CRIM1: variants seen among roughly 807,000 people sequenced by gnomAD.
CRIM1 encodes cysteine-rich motor neuron 1 protein.
In CRIM1, 32 loss-of-function variants were observed where a neutral mutation model predicts 116.4. The ratio of observed to expected loss-of-function variants is 0.27; its 90% CI spans 0.21 to 0.37. The LOEUF (loss-of-function observed/expected upper bound fraction) is 0.37, where lower values mean the gene tolerates loss of function less well. Ranked by LOEUF, CRIM1 falls within the 10% of genes least tolerant of loss-of-function variation. The probability of loss-of-function intolerance (pLI) is 1.00; values close to 1 mark genes in which losing one functional copy is unlikely to be tolerated. For synonymous variants in CRIM1, 590 were observed against 509.2 expected, an observed-to-expected ratio of 1.16 and a Z score of -2.13; for missense variants, 1,331 against 1,354.8, an observed-to-expected ratio of 0.98 and a Z score of 0.28.
chr2:36,388,078 A>G (rs1366527844), intron 1 of CRIM1, among the ~76,000 whole-genome samples: 2 of 151,892 alleles, frequency 1.3e-5, no homozygotes, highest in Non-Finnish European at 2.9e-5. Flanking sequence ...AGTATTTGGT[A>G]AGTTCCCTAT....
intron 4 of CRIM1, among the ~76,000 whole-genome samples, chr2:36,463,882 G>C (rs1374382978): frequency 6.6e-6 from 1 of 152,160 alleles, no homozygotes; most frequent in African/African-American, 2.4e-5. Context: ...TTCCAAGATA[G>C]CTGTCATAAA....
intron 1 of CRIM1, among the ~76,000 whole-genome samples, chr2:36,379,780 C>G (rs1270984207): frequency 9.1e-6 from 1 of 109,390 alleles, no homozygotes; most frequent in South Asian, 2.9e-4. Flanking sequence ...AAAGCAATTG[C>G]TTAGAATGAG....
Position 36,450,595 on chromosome 2 carries a change from C to G in CRIM1, c.869+7860C>G, listed in dbSNP as rs72787265. Among the ~76,000 whole-genome samples the G allele has an allele frequency of 2.0e-3, 299 of 152,200 alleles. 1 individual carries two copies. The highest frequency in any genetic ancestry group is 3.3e-3 in the South Asian group (16 of 4,826). ...TTATTTCTCTCCCATAAAACATTGACCTTAGAAGGCAATTTCCCACTCATA... is the reference window on the plus strand; with the variant it reads ...TTATTTCTCTCCCATAAAACATTGAGCTTAGAAGGCAATTTCCCACTCATA... On this transcript the variant is annotated intron_variant, in intron 4 of 16. Transcript: ENST00000280527.
intron 1 of CRIM1, among the ~76,000 whole-genome samples, chr2:36,391,736 T>C (rs1331561087): frequency 6.6e-6 from 1 of 151,548 alleles, no homozygotes; most frequent in African/African-American, 2.4e-5. Context: ...CAAAACTAAT[T>C]CCATAATCCT....
chr2:36,472,617 C>A (rs1241499851), intron 5 of CRIM1, among the ~76,000 whole-genome samples: 2 of 152,110 alleles, frequency 1.3e-5, no homozygotes, highest in Non-Finnish European at 2.9e-5. Flanking sequence ...CAGAACCTGC[C>A]CTCCACACTT....
chr2:36,385,668 C>T (rs1179169265), intron 1 of CRIM1, among the ~76,000 whole-genome samples: 1 of 152,136 alleles, frequency 6.6e-6, no homozygotes, highest in African/African-American at 2.4e-5. Flanking sequence ...GTGTTCCTGT[C>T]CTTCTTTTCC....
rs1342751689 is a variant in CRIM1, at chr2:36,396,692, A to G, written c.410A>G (p.Asn137Ser). The change falls in exon 2 of 17, where the codon AAT becomes AGT. Residue 137 changes from asparagine (N) to serine (S), a missense_variant. By Grantham distance (46) the Asn-to-Ser change is conservative (BLOSUM62 1). Transcript: ENST00000280527. ...CTTATTGCTGGCTGCAATATAATCAATGGGAAATGTGAATGTAACACCATT... is the reference window on the plus strand; with the variant it reads ...CTTATTGCTGGCTGCAATATAATCAGTGGGAAATGTGAATGTAACACCATT... The part of the protein sequence containing the change: ...ENLIAGCNII[N>S]GKCECNTIRT... The G allele has an allele frequency of 1.2e-5, 20 of 1,613,594 alleles. No individual in the cohort carries two copies. Among genetic ancestry groups the G allele is most frequent in the African/African-American group, 2.7e-5 (2 of 74,912 alleles).
At position 36,465,889 on chromosome 2, in the gene CRIM1, C is replaced by CTTTT. The variant is rs546998292; in HGVS notation, c.991+1245_991+1248dup. On this transcript the variant is annotated intron_variant, in intron 5 of 16. Coordinates refer to ENST00000280527, the MANE Select transcript of CRIM1 (RefSeq NM_016441.3). ...TCAGATGTAAATAATCTTTAGTATT[C>CTTTT]TTTTTTTTTTTTTTGAGACAGAGTC... Among the ~76,000 whole-genome samples, 158 of 143,384 alleles carry CTTTT rather than the reference C, an allele frequency of 1.1e-3. 2 individuals carry two copies. Among genetic ancestry groups the CTTTT allele is most frequent in the African/African-American group, 3.8e-3 (148 of 39,216 alleles). 94.1% of individuals were successfully genotyped at this position (143,384 alleles called of 152,430 possible). A position where few individuals can be genotyped will look rare whatever the true frequency, so the allele number is the denominator to read the frequency against.
intron 5 of CRIM1, among the ~76,000 whole-genome samples, chr2:36,473,821 A>G (rs975315175): frequency 2.6e-5 from 4 of 152,144 alleles, no homozygotes; most frequent in African/African-American, 9.7e-5. Context: ...TGCTAGGAAC[A>G]TTTGTTTATA....
chr2:36,495,471 ATTTATTTTTTTT>A (rs1230960861), intron 7 of CRIM1, among the ~76,000 whole-genome samples: 1 of 134,136 alleles, frequency 7.5e-6, no homozygotes, highest in Non-Finnish European at 1.6e-5. Flanking sequence ...TTATTTATTT[ATTTATTTTTTTT>A]TTTTTTTTTT....
chr2:36,415,230 C>T (rs1472884833), intron 2 of CRIM1, among the ~76,000 whole-genome samples: 1 of 151,986 alleles, frequency 6.6e-6, no homozygotes, highest in South Asian at 2.1e-4. Flanking sequence ...TAAGACTGGG[C>T]AAAAACTAAG....
intron 2 of CRIM1, among the ~76,000 whole-genome samples, chr2:36,440,208 C>T (rs777424732): frequency 1.3e-5 from 2 of 152,190 alleles, no homozygotes; most frequent in African/African-American, 4.8e-5. Context: ...GGGCCTCAGA[C>T]GTTCTTTATC....
intron 14 of CRIM1, among the ~76,000 whole-genome samples, chr2:36,537,767 T>A (rs146218239): frequency 2.2e-4 from 33 of 152,346 alleles, no homozygotes; most frequent in African/African-American, 7.2e-4. Flanking sequence ...TTCCTCGGGT[T>A]CTTTTCTTCT....
intron 1 of CRIM1, among the ~76,000 whole-genome samples, chr2:36,368,807 T>G (rs929744531): frequency 6.6e-6 from 1 of 152,224 alleles, no homozygotes; most frequent in African/African-American, 2.4e-5. Flanking sequence ...ATTTTTAGTT[T>G]TCTGTAATAC....
intron 7 of CRIM1, among the ~76,000 whole-genome samples, chr2:36,495,254 G>C (rs1025076434): frequency 1.4e-4 from 21 of 152,134 alleles, no homozygotes; most frequent in Non-Finnish European, 2.6e-4. Flanking sequence ...TAACATAGGA[G>C]CACAGAAATG....
At chr2:36,488,838 C>T (rs1176734898) in intron 7 of CRIM1, among the ~76,000 whole-genome samples, 2 of 152,164 alleles carry the variant, frequency 1.3e-5, no homozygotes, top group Non-Finnish European at 2.9e-5. Flanking sequence ...TGAAACACAA[C>T]TAAGAATCCT....
chr2:36,517,894 C>T (rs1558393651), intron 12 of CRIM1, among the ~76,000 whole-genome samples: 1 of 152,132 alleles, frequency 6.6e-6, no homozygotes, highest in African/African-American at 2.4e-5. Context: ...GAAAAGTCAT[C>T]TTTATGTAAC....
chr2:36,406,630 C>A (rs1266534099), intron 2 of CRIM1, among the ~76,000 whole-genome samples: 2 of 143,702 alleles, frequency 1.4e-5, no homozygotes. Flanking sequence ...CCTCCCCCCC[C>A]CCCAAAAAAA....
At chr2:36,362,624 A>G (rs77128257) in intron 1 of CRIM1, among the ~76,000 whole-genome samples, 40 of 152,286 alleles carry the variant, frequency 2.6e-4, no homozygotes, top group African/African-American at 9.1e-4. Context: ...CCTGGGCAGT[A>G]GCCTGGTCAC....
Sources: allele counts gnomAD v4.1 joint callset (sites outside exome capture counted in the v4.1 genomes callset), GRCh38; gene constraint gnomAD v4.1.1; transcripts MANE v1.5; gene names NCBI Gene and HGNC (gene_info 2026-07-23, HGNC 2026-07-21).